Variants in NPHP4 observed in about 807,000 individuals in gnomAD.
NPHP4 encodes nephrocystin-4.
In NPHP4, 151 loss-of-function variants were observed where a neutral mutation model predicts 155.8. The observed-to-expected ratio is 0.97, with a 90% CI of 0.85 to 1.11. The LOEUF is 1.11. NPHP4 is among the 50% of genes least tolerant of loss of function. NPHP4 has a pLI of 0.00. For synonymous variants in NPHP4, 845 were observed against 816.8 expected, an observed-to-expected ratio of 1.03 and a Z score of -0.59; for missense variants, 1,956 against 1,925.7, an observed-to-expected ratio of 1.02 and a Z score of -0.29.
chr1:5,896,063 A>C (rs1363438919), intron 16 of NPHP4, among the ~76,000 whole-genome samples: 5 of 152,262 alleles, frequency 3.3e-5, no homozygotes, highest in East Asian at 1.9e-4. Context: ...GTTACCACTG[A>C]ATTAGAAAAC....
At position 5,874,467 on chromosome 1, in the gene NPHP4, G is replaced by T; in HGVS notation, c.3231+4C>A. Reference sequence around the variant, plus strand: ...CAACTTCCCTGTGTGCCTGACACCCGCACCTGCACCATGGCCAGCTGCCCT... The same window carrying T: ...CAACTTCCCTGTGTGCCTGACACCCTCACCTGCACCATGGCCAGCTGCCCT... On this transcript the variant is annotated splice_donor_region_variant and intron_variant, in intron 22 of 29. Transcript: ENST00000378156. The T allele has an allele frequency of 6.6e-7, 1 of 1,522,850 alleles. No homozygotes were observed. Among genetic ancestry groups the T allele is most frequent in the South Asian group, 1.2e-5 (1 of 80,402 alleles). The allele number at this position is 1,522,850 out of a possible 1,614,324, so 94.3% of individuals were successfully genotyped here.
At chr1:5,962,755 G>A (rs61762130) in intron 5 of NPHP4, among the ~76,000 whole-genome samples, 2,919 of 152,362 alleles carry the variant, frequency 0.019, 58 homozygotes, top group African/African-American at 0.031. Flanking sequence ...AAAGACTCTG[G>A]AGAAATGACA....
At chr1:5,972,196 T>C (rs1443138432) in intron 3 of NPHP4, among the ~76,000 whole-genome samples, 1 of 152,136 alleles carries the variant, frequency 6.6e-6, no homozygotes, top group Admixed American at 6.5e-5. Flanking sequence ...ACAGAATGAG[T>C]CCCTTCCAAA....
intron 9 of NPHP4, among the ~76,000 whole-genome samples, chr1:5,936,126 A>T (rs1646524573): frequency 6.6e-6 from 1 of 150,934 alleles, no homozygotes; most frequent in Non-Finnish European, 1.5e-5. Context: ...GTTCTCCATC[A>T]GTAGATGATC....
In NPHP4 at chr1:5,948,130, T is replaced by C. The variant is rs371217093; in HGVS notation, c.932A>G (p.Asp311Gly). 10 of 1,613,732 alleles carry C rather than the reference T, an allele frequency of 6.2e-6. No homozygotes were observed. Among genetic ancestry groups the C allele is most frequent in the Non-Finnish European group, 8.5e-6 (10 of 1,179,854 alleles). Residue 311 changes from aspartate to glycine, a missense_variant, in exon 8 of 30, where the codon GAT (aspartate) becomes GGT (glycine). Transcript: ENST00000378156. ...GCTAGCTGAGCGCGTCAAGGCCACA[T>C]CCATCTCAGGCACCAGTACAACGAC... Reference protein sequence around the residue: ...PQVVVLVPEMDVALTRSASFS... With the variant: ...PQVVVLVPEMGVALTRSASFS...
In NPHP4 at chr1:5,914,257, C is replaced by CAAAAAAAAAAAA. The variant is rs575438284; in HGVS notation, c.1442-5056_1442-5045dup. Among the ~76,000 whole-genome samples the CAAAAAAAAAAAA allele has an allele frequency of 3.4e-4, 16 of 47,400 alleles. 4 individuals are homozygous for CAAAAAAAAAAAA. The highest frequency in any genetic ancestry group is 4.6e-4 in the Non-Finnish European group (11 of 23,790). 31.1% of individuals were successfully genotyped at this position (47,400 alleles called of 152,430 possible). On this transcript the variant is annotated intron_variant, in intron 11 of 29. Transcript: ENST00000378156. The stretch of plus-strand genomic sequence containing the variant: ...GCAACATGGCAAAATCTTATCTATA[C>CAAAAAAAAAAAA]AAAAAAAAAAAAAAAAAAAAAAAAA...
intron 1 of NPHP4, among the ~76,000 whole-genome samples, chr1:5,991,837 A>G (rs1234395427): frequency 6.6e-6 from 1 of 150,676 alleles, no homozygotes; most frequent in Non-Finnish European, 1.5e-5. Context: ...CGGCCTGGGA[A>G]GGATGCGCGC....
chr1:5,879,723 C>T (rs1369006154), intron 19 of NPHP4: 2 of 424,572 alleles, frequency 4.7e-6, no homozygotes, highest in Admixed American at 5.7e-5. Context: ...TGCATATGGA[C>T]AGCACAGTCC....
At chr1:5,958,504 G>A (rs1423025133) in intron 6 of NPHP4, among the ~76,000 whole-genome samples, 2 of 152,208 alleles carry the variant, frequency 1.3e-5, no homozygotes, top group Non-Finnish European at 2.9e-5. Context: ...AGACCTGCCT[G>A]GCCAACGTGG....
intron 10 of NPHP4, among the ~76,000 whole-genome samples, chr1:5,929,578 C>A (rs1646174977): frequency 1.3e-5 from 2 of 152,122 alleles, no homozygotes; most frequent in African/African-American, 4.8e-5. Context: ...CTTCTTTAGG[C>A]TGTTACTATA....
At chr1:5,924,342 T>G (rs888771792) in intron 11 of NPHP4, among the ~76,000 whole-genome samples, 1 of 151,982 alleles carries the variant, frequency 6.6e-6, no homozygotes, top group Non-Finnish European at 1.5e-5. Context: ...ATGACCACAA[T>G]TTTTCCAAAT....
At position 5,927,637 on chromosome 1, in the gene NPHP4, G is replaced by A. The variant is rs763338616; in HGVS notation, c.1441+12C>T. ...CATGTGCCTGGCCAGTCAGCTCTCT[G>A]GAAACACTTACTCGAAGGGGACGTG... On this transcript the variant is annotated intron_variant, in intron 11 of 29. Transcript: ENST00000378156. 5.0e-6 allele frequency: 8 copies of A among 1,596,388 alleles called. No homozygotes were observed. In the South Asian group the frequency reaches 7.8e-5, roughly 15 times the overall value.
intron 10 of NPHP4, among the ~76,000 whole-genome samples, chr1:5,931,014 A>C (rs919022527): frequency 1.8e-4 from 28 of 152,100 alleles, no homozygotes; most frequent in African/African-American, 6.0e-4. Flanking sequence ...CATGTGTACT[A>C]TCTCTCTTAA....
chr1:5,899,845 C>T (rs1337332624), intron 16 of NPHP4, among the ~76,000 whole-genome samples: 1 of 152,130 alleles, frequency 6.6e-6, no homozygotes, highest in Non-Finnish European at 1.5e-5. Context: ...AAAACATTTG[C>T]AAAATACGTA....
intron 7 of NPHP4, among the ~76,000 whole-genome samples, chr1:5,949,343 T>TACATACACACACACACACAC (rs1553187009): frequency 7.1e-6 from 1 of 140,788 alleles, no homozygotes; most frequent in African/African-American, 2.7e-5. Context: ...TTCACATACA[T>TACATACACACACACACACAC]ACACACACAC....
intron 11 of NPHP4, among the ~76,000 whole-genome samples, chr1:5,919,581 C>A (rs796307094): frequency 7.9e-5 from 12 of 152,304 alleles, no homozygotes; most frequent in African/African-American, 2.4e-4. Flanking sequence ...GGAGGACCAC[C>A]TGAACAAGCC....
intron 1 of NPHP4, among the ~76,000 whole-genome samples, chr1:5,989,228 G>A (rs543493779): frequency 5.3e-5 from 8 of 152,242 alleles, no homozygotes; most frequent in African/African-American, 1.4e-4. Flanking sequence ...AGGGAGAGCC[G>A]ACTTTGGACT....
chr1:5,957,954 G>A (rs1649564956), intron 6 of NPHP4, among the ~76,000 whole-genome samples: 2 of 152,206 alleles, frequency 1.3e-5, no homozygotes, highest in African/African-American at 4.8e-5. Context: ...TCCTAAGAGT[G>A]CAATGTGACA....
At chr1:5,961,992 AAAGG>A in intron 5 of NPHP4, 43 bp from the exon 6 acceptor site, 1 of 1,532,542 alleles carries the variant, frequency 6.5e-7, no homozygotes, top group Non-Finnish European at 8.9e-7. Context: ...AGCTGAAAGC[AAAGG>A]TGCTTCCAGT....
Sources: allele counts gnomAD v4.1 joint callset (sites outside exome capture counted in the v4.1 genomes callset), GRCh38; gene constraint gnomAD v4.1.1; transcripts MANE v1.5; gene names NCBI Gene and HGNC (gene_info 2026-07-23, HGNC 2026-07-21).